The following PHLDB2 variants were observed in gnomAD, a reference collection of about 807,000 sequenced individuals.
PHLDB2 encodes the protein pleckstrin homology-like domain family B member 2.
A neutral mutation model predicts 123.6 loss-of-function variants in PHLDB2; 71 were observed. The ratio of observed to expected loss-of-function variants is 0.57; its 90% CI spans 0.47 to 0.70. The LOEUF is 0.70. Ranked by LOEUF, PHLDB2 falls within the 30% of genes least tolerant of loss-of-function variation. PHLDB2 has a pLI of 0.00. For missense variants in PHLDB2, 1,446 were observed against 1,519.5 expected (o/e 0.95, Z 0.80); for synonymous variants, 547 against 541.6 (o/e 1.01, Z -0.14).
chr3:111,767,768 T>C (rs1189904636), intron 1 of PHLDB2, among the ~76,000 whole-genome samples: 2 of 152,222 alleles, frequency 1.3e-5, no homozygotes, highest in African/African-American at 4.8e-5. Flanking sequence ...AGGAAGCCCA[T>C]TGGTTTTACT....
At chr3:111,808,907 A>G (rs1263591186) in intron 1 of PHLDB2, among the ~76,000 whole-genome samples, 1 of 152,216 alleles carries the variant, frequency 6.6e-6, no homozygotes, top group Non-Finnish European at 1.5e-5. Flanking sequence ...GAACTCTACT[A>G]CTAGTACTAA....
chr3:111,907,529 CT>C (rs2107478599), intron 2 of PHLDB2, among the ~76,000 whole-genome samples: 1 of 152,206 alleles, frequency 6.6e-6, no homozygotes, highest in South Asian at 2.1e-4. Flanking sequence ...GAGAGTCTTG[CT>C]TTGTTGCCCA....
At chr3:111,943,971 T>A (rs1027619211) in intron 8 of PHLDB2, among the ~76,000 whole-genome samples, 1 of 152,042 alleles carries the variant, frequency 6.6e-6, no homozygotes, top group Non-Finnish European at 1.5e-5. Flanking sequence ...AAAACAAAAC[T>A]AGAAAACCTA....
intron 12 of PHLDB2, among the ~76,000 whole-genome samples, chr3:111,961,699 C>T (rs565582814): frequency 6.6e-6 from 1 of 152,272 alleles, no homozygotes; most frequent in South Asian, 2.1e-4. Flanking sequence ...AAGTTGAATA[C>T]CATTGAAGAA....
intron 1 of PHLDB2, among the ~76,000 whole-genome samples, chr3:111,811,171 T>G (rs748938938): frequency 3.3e-5 from 5 of 152,172 alleles, no homozygotes; most frequent in Non-Finnish European, 7.3e-5. Flanking sequence ...AGTTAAAGCC[T>G]CCTATAAAAA....
intron 1 of PHLDB2, among the ~76,000 whole-genome samples, chr3:111,751,978 T>C (rs1358683112): frequency 6.6e-6 from 1 of 152,216 alleles, no homozygotes; most frequent in Non-Finnish European, 1.5e-5. Flanking sequence ...TGCTAAGGCA[T>C]GTGATAGAAT....
chr3:111,804,909 A>T (rs1455823947), intron 1 of PHLDB2, among the ~76,000 whole-genome samples: 1 of 152,268 alleles, frequency 6.6e-6, no homozygotes, highest in Non-Finnish European at 1.5e-5. Context: ...ATAGAACAAT[A>T]TCAAGTTTTT....
At chr3:111,819,240 CA>C (rs2062249489) in intron 1 of PHLDB2, among the ~76,000 whole-genome samples, 1 of 151,734 alleles carries the variant, frequency 6.6e-6, no homozygotes, top group Non-Finnish European at 1.5e-5. Flanking sequence ...TTAGGGCTTC[CA>C]CGTATAAATG....
intron 2 of PHLDB2, among the ~76,000 whole-genome samples, chr3:111,909,236 A>AAACTTCT (rs2067733656): frequency 6.6e-6 from 1 of 152,162 alleles, no homozygotes; most frequent in Non-Finnish European, 1.5e-5. Flanking sequence ...GTGAACTCAT[A>AAACTTCT]GGTGGTCTAT....
chr3:111,851,766 C>A (rs553151874), intron 2 of PHLDB2, among the ~76,000 whole-genome samples: 8 of 152,026 alleles, frequency 5.3e-5, no homozygotes, highest in Non-Finnish European at 1.2e-4. Flanking sequence ...GTATTCGATG[C>A]GAAGCCTAAA....
intron 5 of PHLDB2, among the ~76,000 whole-genome samples, chr3:111,930,881 A>C (rs2069106000): frequency 6.6e-6 from 1 of 152,212 alleles, no homozygotes; most frequent in Admixed American, 6.5e-5. Flanking sequence ...TTCTGAATTT[A>C]ATTATTTTAA....
intron 1 of PHLDB2, among the ~76,000 whole-genome samples, chr3:111,807,407 T>C (rs1338435479): frequency 2.0e-5 from 3 of 152,154 alleles, no homozygotes; most frequent in Admixed American, 6.5e-5. Context: ...CATTGACTTA[T>C]TTAAATCTCA....
In PHLDB2 at chr3:111,932,136, A is replaced by G. The variant is rs1307204648; in HGVS notation, c.2002-133A>G. 8 of 977,248 alleles carry G rather than the reference A, an allele frequency of 8.2e-6. No individual in the cohort carries two copies. In the East Asian group the frequency reaches 1.7e-4, roughly 20 times the overall value. The allele number at this position is 977,248 out of a possible 1,614,324, so 60.5% of individuals were successfully genotyped here. On this transcript the variant is annotated intron_variant, in intron 5 of 17. Transcript: ENST00000431670. ...TCCCTTTATCCTAGCCACTAACAAG[A>G]TACGTTTCTACATTCATAGATTGTC...
chr3:111,919,241 T>C (rs749564592), intron 4 of PHLDB2, 26 bp downstream of exon 4: 2 of 1,609,896 alleles, frequency 1.2e-6, no homozygotes, highest in South Asian at 2.2e-5. Context: ...TCTTCCCTTT[T>C]TTCTTTCTTT....
intron 3 of PHLDB2, 28 bp downstream of exon 3, chr3:111,913,730 G>T: frequency 6.3e-7 from 1 of 1,577,716 alleles, no homozygotes; most frequent in South Asian, 1.1e-5. Context: ...AAGATACTAG[G>T]ATTTAAGGTC....
chr3:111,976,106 T>C lies in PHLDB2; in HGVS notation c.*1543T>C, dbSNP rs1190588096. The C allele has an allele frequency of 1.3e-5, 2 of 152,666 alleles. No individual in the cohort carries two copies. The highest frequency in any genetic ancestry group is 2.9e-5 in the Non-Finnish European group (2 of 68,036). The allele number at this position is 152,666 out of a possible 1,614,324, so 9.5% of individuals were successfully genotyped here. ...CTAAAATATAATTGCTAAGATTTTG[T>C]TGGTTAATGTAAAGATATGACTTTT... On this transcript the variant is annotated 3_prime_UTR_variant, in exon 18 of 18. Transcript: ENST00000431670.
chr3:111,932,333 A>C lies in PHLDB2; in HGVS notation c.2066A>C (p.Gln689Pro). 1.3e-6 allele frequency: 2 copies of C among 1,551,800 alleles called. No individual in the cohort carries two copies. Among genetic ancestry groups the C allele is most frequent in the Non-Finnish European group, 1.7e-6 (2 of 1,146,876 alleles). ...AGGCTTCAGGAGCTTTACTCCGAGCAGAAGACCCAGCTGGACAATTGTCCT... is the reference window on the plus strand; with the variant it reads ...AGGCTTCAGGAGCTTTACTCCGAGCCGAAGACCCAGCTGGACAATTGTCCT... ...LERLQELYSEQKTQLDNCPES... is the reference protein window; with the variant it reads ...LERLQELYSEPKTQLDNCPES... The change falls in exon 6 of 18, where the codon CAG becomes CCG. Residue 689 changes from glutamine to proline, a missense_variant. Gln to Pro is a moderately conservative substitution (Grantham distance 76, BLOSUM62 -1). Coordinates refer to ENST00000431670, the MANE Select transcript of PHLDB2 (RefSeq NM_001134438.2).
intron 1 of PHLDB2, among the ~76,000 whole-genome samples, chr3:111,751,855 T>TA: frequency 6.6e-6 from 1 of 152,090 alleles, no homozygotes; most frequent in Non-Finnish European, 1.5e-5. Flanking sequence ...AAAAATTTTT[T>TA]AAAAAAGAGA....
At chr3:111,974,329 T>A in intron 17 of PHLDB2, 94 bp from the exon 18 acceptor site, 1 of 1,187,808 alleles carries the variant, frequency 8.4e-7, no homozygotes. Context: ...TTTAATAAAT[T>A]GAAAATTTTG....
Sources: gnomAD v4.1 joint callset for allele counts (sites outside exome capture counted in the v4.1 genomes callset) on GRCh38, gnomAD v4.1.1 for gene constraint, MANE v1.5 for transcripts, NCBI Gene and HGNC (gene_info 2026-07-23, HGNC 2026-07-21) for gene names.